Variants in ANKEF1 observed in about 807,000 individuals in gnomAD.
ANKEF1 encodes ankyrin repeat and EF-hand domain-containing protein 1.
ANKEF1 carries 43 observed loss-of-function variants against 65.1 expected under a neutral mutation model. The ratio of observed to expected loss-of-function variants is 0.66; its 90% confidence interval spans 0.52 to 0.85. The LOEUF is 0.85. Ranked by LOEUF, ANKEF1 falls within the 40% of genes least tolerant of loss-of-function variation. The probability of loss-of-function intolerance (pLI) is 0.00; values close to 1 mark genes in which losing one functional copy is unlikely to be tolerated. For synonymous variants in ANKEF1, 316 were observed against 341.5 expected, an observed-to-expected ratio of 0.93 and a Z score of 0.82; for missense variants, 934 against 952.9, an observed-to-expected ratio of 0.98 and a Z score of 0.26.
chr20:10,044,700 A>C (rs1984407211), intron 5 of ANKEF1, among the ~76,000 whole-genome samples, 157 bp downstream of exon 5: 1 of 152,212 alleles, frequency 6.6e-6, no homozygotes, highest in Non-Finnish European at 1.5e-5. Context: ...TTCTAAAATT[A>C]TATTTTTAAA....
intron 3 of ANKEF1, among the ~76,000 whole-genome samples, chr20:10,040,000 A>T (rs916115590): frequency 3.3e-5 from 5 of 152,310 alleles, no homozygotes; most frequent in East Asian, 1.9e-4. Context: ...AAAAGTGTAA[A>T]TTTTTTTTAA....
Position 10,049,723 on chromosome 20 carries a change from C to T in ANKEF1, c.1154C>T (p.Thr385Ile). The T allele has an allele frequency of 1.9e-6, 3 of 1,614,098 alleles. No homozygotes were observed. The highest frequency in any genetic ancestry group is 1.1e-5 in the South Asian group (1 of 91,082). The part of the protein sequence containing the change: ...LAAIAHLHEK[T>I]RGGGVNINEF... ...GCCATCGCTCACCTTCATGAGAAAACCCGGGGAGGAGGGGTCAATATTAAT... is the reference window on the plus strand; with the variant it reads ...GCCATCGCTCACCTTCATGAGAAAATCCGGGGAGGAGGGGTCAATATTAAT... The change falls in exon 7 of 11, where the codon ACC becomes ATC. Residue 385 changes from threonine (T) to isoleucine (I), a missense_variant. Thr to Ile is a moderately conservative substitution (Grantham distance 89). Coordinates refer to ENST00000378392, the MANE Select transcript of ANKEF1 (RefSeq NM_022096.6).
chr20:10,046,030 G>A (rs1984506958), intron 6 of ANKEF1, among the ~76,000 whole-genome samples: 2 of 152,110 alleles, frequency 1.3e-5, no homozygotes, highest in African/African-American at 4.8e-5. Flanking sequence ...CAGCACTTTG[G>A]GAGGCTGAAG....
At position 10,044,404 on chromosome 20, in the gene ANKEF1, G is replaced by A. The variant is rs145076695; in HGVS notation, c.557G>A (p.Arg186His). 6.8e-5 allele frequency: 110 copies of A among 1,613,786 alleles called. No individual in the cohort carries two copies. The highest frequency in any genetic ancestry group is 4.5e-4 in the East Asian group (20 of 44,870). ...NPNAINSSTGRTALMEASREG... is the reference protein window; with the variant it reads ...NPNAINSSTGHTALMEASREG... ...CTATTTCATGTCCAGTCCACAGGCC[G>A]CACAGCTTTAATGGAAGCGTCAAGA... Residue 186 changes from arginine (R) to histidine (H), a missense_variant, in exon 5 of 11, where the codon CGC (arginine) becomes CAC (histidine). Physicochemically the swap from Arg to His is conservative, Grantham distance 29. Coordinates refer to ENST00000378392, the MANE Select transcript of ANKEF1 (RefSeq NM_022096.6).
At chr20:10,041,364 T>A (rs1415398285) in intron 3 of ANKEF1, among the ~76,000 whole-genome samples, 24 of 151,966 alleles carry the variant, frequency 1.6e-4, no homozygotes, top group Admixed American at 1.6e-3. Flanking sequence ...GTTTATTGAG[T>A]TAGCATCTTA....
At chr20:10,044,587 T>A in intron 5 of ANKEF1, 44 bp downstream of exon 5, 1 of 1,603,888 alleles carries the variant, frequency 6.2e-7, no homozygotes, top group Non-Finnish European at 8.5e-7. Flanking sequence ...CTAAAACTTT[T>A]CTGTCCTTTT....
At chr20:10,050,431 G>A (rs185527241) in intron 7 of ANKEF1, among the ~76,000 whole-genome samples, 9 of 152,238 alleles carry the variant, frequency 5.9e-5, no homozygotes, top group Non-Finnish European at 1.0e-4. Flanking sequence ...ATTTATTACA[G>A]GCTTTATTAA....
chr20:10,048,535 C>T (rs997821835), intron 6 of ANKEF1, among the ~76,000 whole-genome samples: 11 of 152,056 alleles, frequency 7.2e-5, no homozygotes, highest in African/African-American at 2.2e-4. Context: ...CCATCGTATA[C>T]AATTTTAATT....
At chr20:10,052,728 C>T (rs1397211890) in intron 8 of ANKEF1, among the ~76,000 whole-genome samples, 1 of 152,070 alleles carries the variant, frequency 6.6e-6, no homozygotes, top group Non-Finnish European at 1.5e-5. Context: ...AATTTACCTC[C>T]TTACATCAAG....
intron 4 of ANKEF1, 77 bp from the exon 5 acceptor site, chr20:10,044,317 G>T: frequency 2.7e-6 from 4 of 1,463,216 alleles, no homozygotes; most frequent in South Asian, 2.9e-5. Flanking sequence ...AATGGATTCA[G>T]ACTGTATTTG....
chr20:10,037,465 G>A (rs547470733), intron 2 of ANKEF1, among the ~76,000 whole-genome samples: 13 of 152,266 alleles, frequency 8.5e-5, no homozygotes, highest in African/African-American at 2.9e-4. Context: ...CAGTGTACCT[G>A]GAAAGGGATG....
chr20:10,041,291 G>T (rs1232096982), intron 3 of ANKEF1, among the ~76,000 whole-genome samples: 2 of 150,190 alleles, frequency 1.3e-5, no homozygotes, highest in Admixed American at 1.3e-4. Context: ...AGTTATTTTA[G>T]TTTTTTTATT....
intron 10 of ANKEF1, 88 bp downstream of exon 10, chr20:10,054,687 A>T: frequency 7.4e-7 from 1 of 1,346,260 alleles, no homozygotes; most frequent in Non-Finnish European, 1.0e-6. Context: ...ATCCAAACAA[A>T]TCTGCACAGT....
chr20:10,035,426 A>G (rs1983782812), intron 1 of ANKEF1, 93 bp downstream of exon 1: 1 of 152,268 alleles, frequency 6.6e-6, no homozygotes, highest in Admixed American at 6.5e-5. Context: ...AAAAAGTGGA[A>G]AGCACAGTAG....
intron 10 of ANKEF1, 32 bp downstream of exon 10, chr20:10,054,631 G>A: frequency 6.3e-7 from 1 of 1,581,122 alleles, no homozygotes. Flanking sequence ...TCATAGCATG[G>A]TAGAAGCTCA....
intron 3 of ANKEF1, 70 bp downstream of exon 3, chr20:10,038,717 C>T (rs1484028200): frequency 1.3e-5 from 16 of 1,245,524 alleles, no homozygotes; most frequent in Non-Finnish European, 1.7e-5. Context: ...AACATGGACT[C>T]TTTTTGTTTT....
chr20:10,052,585 C>T (rs915859783), intron 8 of ANKEF1, among the ~76,000 whole-genome samples: 1 of 152,106 alleles, frequency 6.6e-6, no homozygotes, highest in Non-Finnish European at 1.5e-5. Context: ...AGCATCATAC[C>T]TCTGGTTGGT....
At chr20:10,041,062 A>G (rs887845673) in intron 3 of ANKEF1, among the ~76,000 whole-genome samples, 4 of 151,496 alleles carry the variant, frequency 2.6e-5, no homozygotes, top group Admixed American at 2.6e-4. Context: ...TTTTATTTTA[A>G]TGGTGGAATT....
intron 5 of ANKEF1, among the ~76,000 whole-genome samples, chr20:10,045,028 CAAAAT>C (rs1462352023): frequency 6.6e-6 from 1 of 152,128 alleles, no homozygotes; most frequent in Non-Finnish European, 1.5e-5. Context: ...ATTGCAGAAA[CAAAAT>C]AAAAACACTA....
Sources: gnomAD v4.1 joint callset for allele counts (sites outside exome capture counted in the v4.1 genomes callset) on GRCh38, gnomAD v4.1.1 for gene constraint, MANE v1.5 for transcripts, NCBI Gene and HGNC (gene_info 2026-07-23, HGNC 2026-07-21) for gene names.